SGSM2: variants seen among roughly 807,000 people sequenced by gnomAD.
The protein encoded by SGSM2 is RUN and TBC1 domain containing 1.
Under a neutral mutation model 126.6 loss-of-function variants are expected in SGSM2, and 89 were observed. The ratio of observed to expected loss-of-function variants is 0.70; its 90% CI spans 0.59 to 0.84. The LOEUF is 0.84. Ranked by LOEUF, SGSM2 falls within the 40% of genes least tolerant of loss-of-function variation. The pLI, the probability that SGSM2 is intolerant of heterozygous loss-of-function variation, is 0.00. For missense variants in SGSM2, 1,404 were observed against 1,416.6 expected, an observed-to-expected ratio of 0.99 and a Z score of 0.14; for synonymous variants, 614 against 574.3, an observed-to-expected ratio of 1.07 and a Z score of -0.99.
intron 3 of SGSM2, 65 bp downstream of exon 3, chr17:2,361,864 C>G: frequency 2.6e-6 from 4 of 1,521,848 alleles, no homozygotes; most frequent in Non-Finnish European, 2.6e-6. Context: ...TTGCTACTTC[C>G]TAGGACACCC....
At chr17:2,339,926 A>G (rs950213207) in intron 1 of SGSM2, among the ~76,000 whole-genome samples, 1 of 152,144 alleles carries the variant, frequency 6.6e-6, no homozygotes, top group Non-Finnish European at 1.5e-5. Context: ...TCAAGTCAGC[A>G]TTTAAGCCCA....
intron 2 of SGSM2, among the ~76,000 whole-genome samples, chr17:2,350,255 T>C (rs1200987129): frequency 6.6e-6 from 1 of 151,622 alleles, no homozygotes; most frequent in Non-Finnish European, 1.5e-5. Context: ...AAGTATCTAA[T>C]AGGGAAAAAT....
Position 2,337,870 on chromosome 17 carries a change from C to A in SGSM2, c.57+125C>A. 1 of 510,740 alleles carries A rather than the reference C, an allele frequency of 2.0e-6. No individual in the cohort carries two copies. Among genetic ancestry groups the A allele is most frequent in the Non-Finnish European group, 3.0e-6 (1 of 330,132 alleles). The allele number at this position is 510,740 out of a possible 1,614,324, so 31.6% of individuals were successfully genotyped here. ...CGAACCTGGGCCGGGCGGGGCGGGT[C>A]CTGGACGGGCTGCGCCTCCTTCCCC... On this transcript the variant is annotated intron_variant, in intron 1 of 23. Coordinates refer to ENST00000268989, the MANE Select transcript of SGSM2 (RefSeq NM_014853.3). This position sits in a 1 kb window ranked among gnomAD's most constrained non-coding sequence, Gnocchi z 5.1.
chr17:2,354,531 A>G (rs1429926456), intron 2 of SGSM2, among the ~76,000 whole-genome samples: 1 of 152,124 alleles, frequency 6.6e-6, no homozygotes, highest in Non-Finnish European at 1.5e-5. Flanking sequence ...GATGTACCAT[A>G]TTTACTTCAC....
At chr17:2,370,865 C>T (rs968870686) in intron 12 of SGSM2, among the ~76,000 whole-genome samples, 3 of 152,122 alleles carry the variant, frequency 2.0e-5, no homozygotes, top group African/African-American at 7.2e-5. Flanking sequence ...CCAAGAGGAC[C>T]GAGCTGAATC....
intron 19 of SGSM2, 169 bp from the exon 20 acceptor site, chr17:2,376,564 C>T: frequency 2.6e-6 from 2 of 780,488 alleles, no homozygotes; most frequent in Non-Finnish European, 4.2e-6. Flanking sequence ...TGGGGGGGAC[C>T]CGTGGGTTGT....
At chr17:2,343,871 G>A (rs2064480028) in intron 2 of SGSM2, among the ~76,000 whole-genome samples, 1 of 152,212 alleles carries the variant, frequency 6.6e-6, no homozygotes, top group Non-Finnish European at 1.5e-5. Context: ...ATGTATCAGA[G>A]TCACCTGAAG....
At chr17:2,369,923 T>G (rs530545828) in intron 12 of SGSM2, among the ~76,000 whole-genome samples, 1 of 152,266 alleles carries the variant, frequency 6.6e-6, no homozygotes, top group African/African-American at 2.4e-5. Context: ...GCGTGTTCCC[T>G]TAATTTGCCT....
At chr17:2,364,221 G>C (rs2065454112) in intron 8 of SGSM2, 38 bp downstream of exon 8, 1 of 1,612,212 alleles carries the variant, frequency 6.2e-7, no homozygotes. Flanking sequence ...AGCCAGGGCA[G>C]GGAGTGGGTT....
At chr17:2,361,871 A>G (rs1433949126) in intron 3 of SGSM2, 72 bp downstream of exon 3, 59 of 1,507,344 alleles carry the variant, frequency 3.9e-5, no homozygotes, top group Non-Finnish European at 4.9e-5. Flanking sequence ...TTCCTAGGAC[A>G]CCCATCGGAA....
At chr17:2,345,464 C>T (rs1233416205) in intron 2 of SGSM2, among the ~76,000 whole-genome samples, 14 of 151,844 alleles carry the variant, frequency 9.2e-5, no homozygotes, top group East Asian at 1.9e-4. Flanking sequence ...GGCGTGGTGG[C>T]GGGCGCCTGT....
rs1249697026 is a variant in SGSM2 at position 2,381,013 on chromosome 17, T to C, written c.*1493T>C. The C allele has an allele frequency of 1.3e-5, 2 of 152,748 alleles. No individual in the cohort carries two copies. The highest frequency in any genetic ancestry group is 3.8e-4 in the East Asian group (2 of 5,196). 9.5% of individuals were successfully genotyped at this position (152,748 alleles called of 1,614,324 possible). ...TGTATGATTTTTGCCTCAGAAACTA[T>C]ACTCTTCTGTGTAACAGACCAATAA... On this transcript the variant is annotated 3_prime_UTR_variant, in exon 24 of 24. Transcript: ENST00000268989.
At chr17:2,378,615 A>G (rs1327406249) in intron 22 of SGSM2, among the ~76,000 whole-genome samples, 1 of 152,238 alleles carries the variant, frequency 6.6e-6, no homozygotes, top group Non-Finnish European at 1.5e-5. Flanking sequence ...TAGGGTTGAC[A>G]GTTACAACTC....
At chr17:2,375,999 G>T in intron 18 of SGSM2, 124 bp downstream of exon 18, 1 of 1,518,530 alleles carries the variant, frequency 6.6e-7, no homozygotes, top group East Asian at 2.3e-5. Flanking sequence ...GGAGTTCTGA[G>T]CCCATTTCTC....
chr17:2,368,595 C>T (rs2065706122), intron 12 of SGSM2, among the ~76,000 whole-genome samples: 1 of 152,204 alleles, frequency 6.6e-6, no homozygotes, highest in Non-Finnish European at 1.5e-5. Flanking sequence ...TTAGAACACA[C>T]CCAGCACACC....
chr17:2,364,703 G>T, intron 9 of SGSM2, 40 bp downstream of exon 9: 2 of 1,606,380 alleles, frequency 1.2e-6, no homozygotes, highest in Non-Finnish European at 1.7e-6. Context: ...GGAAGGGAGA[G>T]GCTGCCTTCT....
chr17:2,354,671 T>C (rs1269024185), intron 2 of SGSM2, among the ~76,000 whole-genome samples: 2 of 152,360 alleles, frequency 1.3e-5, no homozygotes, highest in East Asian at 3.9e-4. Context: ...TTTGCAGCAT[T>C]AGTGGAGAGG....
rs1236486029 is a variant in SGSM2, at chr17:2,367,405, G to A, written c.1423G>A (p.Asp475Asn). ...CCTCACAGCTCCCAATCCGATGAAA[G>A]GTTCTTATCCCTCCCTCTCCCTGAC... The part of the protein sequence containing the change: ...RNLTAPNPMK[D>N]AGDMIEMQGF... The change falls in exon 12 of 24, where the codon GAC becomes AAC. Residue 475 changes from aspartate to asparagine, a missense_variant and splice_region_variant. Transcript: ENST00000268989. This position sits in a 1 kb window ranked among gnomAD's most constrained non-coding sequence, Gnocchi z 4.0. 1 of 1,612,902 alleles carries A rather than the reference G, an allele frequency of 6.2e-7. No individual in the cohort carries two copies. Among genetic ancestry groups the A allele is most frequent in the Non-Finnish European group, 8.5e-7 (1 of 1,179,436 alleles).
intron 2 of SGSM2, among the ~76,000 whole-genome samples, chr17:2,353,098 C>T (rs1039510702): frequency 5.9e-5 from 9 of 152,016 alleles, no homozygotes; most frequent in Non-Finnish European, 1.2e-4. Flanking sequence ...ATTCTAGCAG[C>T]CGAGCTATAG....
Sources: allele counts gnomAD v4.1 joint callset (sites outside exome capture counted in the v4.1 genomes callset), GRCh38; gene constraint gnomAD v4.1.1; non-coding constraint Gnocchi (gnomAD v3.1); transcripts MANE v1.5; gene names NCBI Gene and HGNC (gene_info 2026-07-23, HGNC 2026-07-21).